Variants in WASF3 observed in about 807,000 individuals in gnomAD.
The protein encoded by WASF3 is WASP family member 3, also known as actin-binding protein WASF3.
WASF3 carries 11 observed loss-of-function variants against 46.6 expected under a neutral mutation model. That is an observed-to-expected ratio of 0.24 (90% CI 0.15 to 0.39). The LOEUF is 0.39. WASF3 is among the 10% of genes least tolerant of loss of function. WASF3 has a pLI of 1.00. For missense variants in WASF3, 576 were observed against 669.8 expected (o/e 0.86, Z 1.55); for synonymous variants, 242 against 259.7 (o/e 0.93, Z 0.65).
chr13:26,561,419 G>A (rs1224160026), intron 1 of WASF3, among the ~76,000 whole-genome samples: 1 of 152,072 alleles, frequency 6.6e-6, no homozygotes, highest in Non-Finnish European at 1.5e-5. Context: ...ACTGTCCTTA[G>A]GTGGGGACAG....
chr13:26,574,272 A>C (rs1879725290), intron 1 of WASF3, among the ~76,000 whole-genome samples: 2 of 152,094 alleles, frequency 1.3e-5, no homozygotes, highest in African/African-American at 4.8e-5. Flanking sequence ...GAAATCATTT[A>C]TATCTTTTTT....
At chr13:26,667,822 T>C (rs185123572) in intron 5 of WASF3, 152 bp downstream of exon 5, 4 of 700,478 alleles carry the variant, frequency 5.7e-6, no homozygotes, top group African/African-American at 5.4e-5. Flanking sequence ...AATGATTGAA[T>C]TATATACAAT....
At chr13:26,595,105 C>A (rs1355866059) in intron 1 of WASF3, among the ~76,000 whole-genome samples, 1 of 152,146 alleles carries the variant, frequency 6.6e-6, no homozygotes, top group Non-Finnish European at 1.5e-5. Flanking sequence ...GATCCCATGG[C>A]ACTTACCATA....
chr13:26,657,672 C>G (rs988585686), intron 3 of WASF3, among the ~76,000 whole-genome samples: 6 of 152,168 alleles, frequency 3.9e-5, no homozygotes, highest in African/African-American at 1.4e-4. Context: ...CCTTTGTCAA[C>G]AAAGAATGAA....
intron 1 of WASF3, among the ~76,000 whole-genome samples, chr13:26,588,975 G>T (rs1462120482): frequency 6.6e-6 from 1 of 151,708 alleles, no homozygotes; most frequent in Admixed American, 6.6e-5. Flanking sequence ...TTTTTTTTTG[G>T]TAGAGATGGC....
upstream of WASF3, among the ~76,000 whole-genome samples, chr13:26,556,283 TCTATA>T (rs1348227625): frequency 6.6e-6 from 1 of 152,212 alleles, no homozygotes; most frequent in Non-Finnish European, 1.5e-5. Flanking sequence ...ACTCTGGGTA[TCTATA>T]CTTTCATATT....
At chr13:26,635,019 T>G (rs1365810895) in intron 2 of WASF3, among the ~76,000 whole-genome samples, 6 of 152,206 alleles carry the variant, frequency 3.9e-5, no homozygotes, top group African/African-American at 1.4e-4. Context: ...ATTTCCTGAA[T>G]TTGAATGTTG....
At chr13:26,636,857 C>A (rs1290284575) in intron 2 of WASF3, among the ~76,000 whole-genome samples, 3 of 151,740 alleles carry the variant, frequency 2.0e-5, no homozygotes, top group African/African-American at 7.3e-5. Context: ...CTAATCAGCA[C>A]TGGGCTTCCT....
the WASF3 span, among the ~76,000 whole-genome samples, chr13:26,543,868 T>C: frequency 6.6e-6 from 1 of 152,312 alleles, no homozygotes; most frequent in African/African-American, 2.4e-5. Context: ...CAATAATCAA[T>C]ATGTCATTAG....
chr13:26,645,412 T>C lies in WASF3; in HGVS notation c.133+3009T>C, dbSNP rs183513357. ...TTTATAAGCCACCTACTCTGTGGTC[T>C]TCTGTCATAGTAGCTCAAATTGCCT... On this transcript the variant is annotated intron_variant, in intron 3 of 9. Coordinates refer to ENST00000335327, the MANE Select transcript of WASF3 (RefSeq NM_006646.6). Among the ~76,000 whole-genome samples, 241 of 152,328 alleles carry C rather than the reference T, an allele frequency of 1.6e-3. 1 individual carries two copies. The highest frequency in any genetic ancestry group is 5.7e-3 in the African/African-American group (237 of 41,578).
At chr13:26,555,982 T>C (rs961713822), upstream of WASF3, among the ~76,000 whole-genome samples, 5 of 152,224 alleles carry the variant, frequency 3.3e-5, no homozygotes, top group African/African-American at 1.2e-4. Context: ...ATAATTTATT[T>C]GTACCATGAA....
chr13:26,573,472 C>T (rs1019491979), intron 1 of WASF3, among the ~76,000 whole-genome samples: 3 of 151,898 alleles, frequency 2.0e-5, no homozygotes, highest in Non-Finnish European at 2.9e-5. Flanking sequence ...TTGATGCAAT[C>T]CCATTTGTTT....
At chr13:26,562,113 G>GA (rs1351261458) in intron 1 of WASF3, among the ~76,000 whole-genome samples, 1 of 152,198 alleles carries the variant, frequency 6.6e-6, no homozygotes, top group Non-Finnish European at 1.5e-5. Flanking sequence ...GAAAGTTTTG[G>GA]AACTCCTGCC....
chr13:26,667,674 T>A lies in WASF3; in HGVS notation c.422+4T>A, dbSNP rs766895693. On this transcript the variant is annotated splice_donor_region_variant and intron_variant, in intron 5 of 9. Transcript: ENST00000335327. ...TGAACATCCTGACACCATACAGGTA[T>A]AGCTTCATGAGTCCCAGAGCCTCTC... 1 of 1,612,838 alleles carries A rather than the reference T, an allele frequency of 6.2e-7. No individual in the cohort carries two copies. The highest frequency in any genetic ancestry group is 1.3e-5 in the African/African-American group (1 of 74,860).
intron 1 of WASF3, among the ~76,000 whole-genome samples, chr13:26,575,401 C>A (rs1389994241): frequency 2.0e-5 from 3 of 152,182 alleles, no homozygotes; most frequent in Non-Finnish European, 2.9e-5. Context: ...TGTGACCAGT[C>A]CTTTTGCTTA....
chr13:26,611,797 T>C (rs1333822241), intron 1 of WASF3, among the ~76,000 whole-genome samples: 2 of 152,056 alleles, frequency 1.3e-5, no homozygotes. Flanking sequence ...ATAAGTAAAA[T>C]AGGATGTATA....
intron 3 of WASF3, among the ~76,000 whole-genome samples, chr13:26,647,620 ACTT>A (rs1882188363): frequency 6.6e-6 from 1 of 152,112 alleles, no homozygotes; most frequent in African/African-American, 2.4e-5. Context: ...GGATGACAAA[ACTT>A]CTTTTTAATA....
chr13:26,642,104 G>A (rs1002154486), intron 2 of WASF3, 157 bp from the exon 3 acceptor site: 2 of 659,670 alleles, frequency 3.0e-6, no homozygotes, highest in East Asian at 6.2e-5. Context: ...ACTCACTAAA[G>A]TAATTCACTG....
At chr13:26,557,209 CA>C (rs575128322), upstream of WASF3, among the ~76,000 whole-genome samples, 34 of 152,280 alleles carry the variant, frequency 2.2e-4, no homozygotes, top group South Asian at 2.9e-3. Context: ...TTGAGCAGGG[CA>C]TAAAACCAAC....
Sources: gnomAD v4.1 joint callset for allele counts (sites outside exome capture counted in the v4.1 genomes callset) on GRCh38, gnomAD v4.1.1 for gene constraint, MANE v1.5 for transcripts, NCBI Gene and HGNC (gene_info 2026-07-23, HGNC 2026-07-21) for gene names.